The following ZSWIM6 variants were observed in gnomAD, a reference collection of about 807,000 sequenced individuals.
The protein encoded by ZSWIM6 is zinc finger SWIM domain-containing protein 6.
A neutral mutation model predicts 113.2 loss-of-function variants in ZSWIM6; 9 were observed. The ratio of observed to expected loss-of-function variants is 0.08; its 90% CI spans 0.05 to 0.14. The LOEUF (loss-of-function observed/expected upper bound fraction) is 0.14. Among genes scored for constraint, ZSWIM6 ranks in the 10% least tolerant of loss-of-function variants. ZSWIM6 has a pLI of 1.00. For synonymous variants in ZSWIM6, 611 were observed against 606.5 expected, an observed-to-expected ratio of 1.01 and a Z score of -0.11; for missense variants, 1,162 against 1,552.2, an observed-to-expected ratio of 0.75 and a Z score of 4.22.
intron 1 of ZSWIM6, among the ~76,000 whole-genome samples, chr5:61,342,204 G>T (rs1328788615): frequency 6.6e-6 from 1 of 152,090 alleles, no homozygotes; most frequent in Non-Finnish European, 1.5e-5. Context: ...ATGACTTGGG[G>T]CAGTTCTTCA....
At chr5:61,529,669 A>G (rs1403924103) in intron 7 of ZSWIM6, among the ~76,000 whole-genome samples, 2 of 152,166 alleles carry the variant, frequency 1.3e-5, no homozygotes, top group Non-Finnish European at 2.9e-5. Context: ...GCCCCCTCCT[A>G]GGGAAGTGGG....
At chr5:61,445,793 C>A (rs1746937865) in intron 1 of ZSWIM6, among the ~76,000 whole-genome samples, 1 of 152,004 alleles carries the variant, frequency 6.6e-6, no homozygotes, top group South Asian at 2.1e-4. Context: ...AGAAAATGAA[C>A]CCCAAATTTT....
chr5:61,340,711 C>T (rs1367939545), intron 1 of ZSWIM6, among the ~76,000 whole-genome samples: 5 of 152,064 alleles, frequency 3.3e-5, no homozygotes, highest in South Asian at 2.1e-4. Flanking sequence ...CTGTTTGGGC[C>T]GTGTCTTAGT....
chr5:61,372,874 C>G (rs1305142552), intron 1 of ZSWIM6, among the ~76,000 whole-genome samples: 1 of 151,810 alleles, frequency 6.6e-6, no homozygotes, highest in East Asian at 1.9e-4. Flanking sequence ...TTCAATATTT[C>G]TTTTTTTCAT....
intron 1 of ZSWIM6, among the ~76,000 whole-genome samples, chr5:61,348,090 G>A (rs1461360519): frequency 2.0e-5 from 3 of 151,804 alleles, no homozygotes; most frequent in Non-Finnish European, 2.9e-5. Flanking sequence ...GTGTGGTGGC[G>A]GGCGCCTGTA....
intron 1 of ZSWIM6, among the ~76,000 whole-genome samples, chr5:61,415,090 G>A (rs1463417327): frequency 2.0e-5 from 3 of 152,202 alleles, no homozygotes; most frequent in Non-Finnish European, 4.4e-5. Context: ...CAAAGCTGAT[G>A]CTCCTCGTAC....
Position 61,472,199 on chromosome 5 carries a change from T to A in ZSWIM6, c.677-482T>A, listed in dbSNP as rs1747587631. Among the ~76,000 whole-genome samples the A allele has an allele frequency of 6.6e-6, 1 of 152,192 alleles. No homozygotes were observed. The highest frequency in any genetic ancestry group is 2.1e-4 in the South Asian group (1 of 4,830). ...CCTTAGAGTTGCAGTATTGGTTGGT[T>A]GGAGCCAGCTAGTGGCTGCCTAGAA... On this transcript the variant is annotated intron_variant, in intron 1 of 13. Coordinates refer to ENST00000252744, the MANE Select transcript of ZSWIM6 (RefSeq NM_020928.2). The surrounding 1 kb of genome is among the most constrained non-coding windows in gnomAD (Gnocchi z 4.1).
At chr5:61,437,432 C>A (rs1367682688) in intron 1 of ZSWIM6, among the ~76,000 whole-genome samples, 1 of 152,040 alleles carries the variant, frequency 6.6e-6, no homozygotes, top group South Asian at 2.1e-4. Context: ...TGTAAAAAAA[C>A]AAAATCCAGG....
chr5:61,408,304 TGGAG>T (rs752247369), intron 1 of ZSWIM6, among the ~76,000 whole-genome samples: 3 of 152,216 alleles, frequency 2.0e-5, no homozygotes, highest in Non-Finnish European at 4.4e-5. Context: ...GGGACGAAGT[TGGAG>T]GGAGATTTTG....
intron 1 of ZSWIM6, among the ~76,000 whole-genome samples, chr5:61,392,285 G>A (rs567982541): frequency 6.6e-5 from 10 of 152,340 alleles, no homozygotes; most frequent in South Asian, 2.1e-4. Flanking sequence ...CTACAGACAT[G>A]CATCTATATA....
chr5:61,446,843 C>T lies in ZSWIM6; in HGVS notation c.677-25838C>T, dbSNP rs372655278. 1.1e-4 allele frequency among the ~76,000 whole-genome samples: 16 copies of T among 151,690 alleles called. 1 individual carries two copies. The highest frequency in any genetic ancestry group is 1.9e-4 in the East Asian group (1 of 5,184). ...ACATAAACACTTCTAAACATGTACA[C>T]GCACACACACACATGCACACAGAAA... On this transcript the variant is annotated intron_variant, in intron 1 of 13. Transcript: ENST00000252744.
At chr5:61,375,523 C>G (rs944938363) in intron 1 of ZSWIM6, 27 of 1,552,352 alleles carry the variant, frequency 1.7e-5, no homozygotes, top group African/African-American at 2.7e-5. Flanking sequence ...AAAGAAGAAC[C>G]GTTCACATAA....
chr5:61,467,017 C>CAGTA (rs1747450667), intron 1 of ZSWIM6, among the ~76,000 whole-genome samples: 1 of 152,142 alleles, frequency 6.6e-6, no homozygotes, highest in South Asian at 2.1e-4. Flanking sequence ...CAGTGTTTCT[C>CAGTA]TACTGAGTCT....
intron 1 of ZSWIM6, among the ~76,000 whole-genome samples, chr5:61,430,639 T>TGA (rs1472599313): frequency 7.6e-4 from 115 of 152,236 alleles, no homozygotes; most frequent in African/African-American, 2.5e-3. Context: ...CTGCAGGAAC[T>TGA]TGAGTGTATG....
intron 1 of ZSWIM6, among the ~76,000 whole-genome samples, chr5:61,364,096 A>C (rs1177527918): frequency 6.6e-6 from 1 of 150,492 alleles, no homozygotes. Flanking sequence ...CCAGGTTGAA[A>C]TGCAGTGGCA....
At chr5:61,445,426 C>G (rs948014720) in intron 1 of ZSWIM6, among the ~76,000 whole-genome samples, 5 of 152,084 alleles carry the variant, frequency 3.3e-5, no homozygotes, top group Admixed American at 3.3e-4. Flanking sequence ...CCATTAGAAT[C>G]CTCAAATCAG....
intron 8 of ZSWIM6, among the ~76,000 whole-genome samples, chr5:61,530,743 G>T (rs1422161848): frequency 2.0e-5 from 3 of 152,198 alleles, no homozygotes; most frequent in African/African-American, 7.2e-5. Flanking sequence ...CCCAAGGGCA[G>T]TGGGTGGAGG....
At chr5:61,475,065 A>T (rs1488956183) in intron 2 of ZSWIM6, among the ~76,000 whole-genome samples, 1 of 152,192 alleles carries the variant, frequency 6.6e-6, no homozygotes, top group African/African-American at 2.4e-5. Flanking sequence ...ATCTGCCTCA[A>T]ATCTTGCTGC....
intron 1 of ZSWIM6, among the ~76,000 whole-genome samples, chr5:61,443,813 C>T (rs1336980689): frequency 6.6e-6 from 1 of 152,038 alleles, no homozygotes; most frequent in Non-Finnish European, 1.5e-5. Flanking sequence ...CTTTTATTAT[C>T]ATTACATAAA....
Sources: gnomAD v4.1 joint callset for allele counts (sites outside exome capture counted in the v4.1 genomes callset) on GRCh38, gnomAD v4.1.1 for gene constraint, Gnocchi (gnomAD v3.1) non-coding constraint, MANE v1.5 for transcripts, NCBI Gene and HGNC (gene_info 2026-07-23, HGNC 2026-07-21) for gene names.